The following MCTP1 variants were observed in gnomAD, a reference collection of about 807,000 sequenced individuals.
The protein encoded by MCTP1 is multiple C2 and transmembrane domain-containing protein 1.
Under a neutral mutation model 120.6 loss-of-function variants are expected in MCTP1, and 69 were observed. That is an observed-to-expected ratio of 0.57 (90% CI 0.47 to 0.70). The LOEUF (loss-of-function observed/expected upper bound fraction) is 0.70. Ranked by LOEUF, MCTP1 falls within the 30% of genes least tolerant of loss-of-function variation. The pLI, the probability that MCTP1 is intolerant of heterozygous loss-of-function variation, is 0.00. For missense variants in MCTP1, 1,203 were observed against 1,248.8 expected (o/e 0.96, Z 0.55); for synonymous variants, 529 against 493.1 (o/e 1.07, Z -0.96).
rs141442491 is a variant in MCTP1 at position 95,190,491 on chromosome 5, T to C, written c.720+93365A>G. Among the ~76,000 whole-genome samples, 1,499 of 152,190 alleles carry C rather than the reference T, an allele frequency of 9.8e-3. 15 individuals carry two copies. Among genetic ancestry groups the C allele is most frequent in the Middle Eastern group, 0.02 (6 of 294 alleles). ...GCTAAACCTCTCTTCCTTTTAGATA[T>C]CTATATTCTAGAGCTATTGATTTTT... On this transcript the variant is annotated intron_variant, in intron 1 of 22. Transcript: ENST00000515393.
At chr5:95,282,784 T>C (rs1010547520) in intron 1 of MCTP1, among the ~76,000 whole-genome samples, 1 of 152,304 alleles carries the variant, frequency 6.6e-6, no homozygotes, top group Middle Eastern at 3.4e-3. Context: ...AAGAAATCAG[T>C]CCATGAACTA....
chr5:95,011,172 G>A (rs1018637782), intron 2 of MCTP1, among the ~76,000 whole-genome samples: 3 of 151,996 alleles, frequency 2.0e-5, no homozygotes, highest in Admixed American at 6.6e-5. Context: ...GAAATACTTC[G>A]AAATGCTGCA....
intron 1 of MCTP1, among the ~76,000 whole-genome samples, chr5:95,277,279 A>G (rs532846091): frequency 6.6e-6 from 1 of 152,242 alleles, no homozygotes; most frequent in South Asian, 2.1e-4. Context: ...TATGGCAGCC[A>G]CTTAGTAGGT....
intron 1 of MCTP1, among the ~76,000 whole-genome samples, chr5:95,121,274 T>C (rs1465262131): frequency 2.9e-5 from 1 of 34,128 alleles, no homozygotes; most frequent in African/African-American, 1.1e-4. Context: ...CGAGACTCCA[T>C]CACAAAAAAA....
chr5:94,992,550 A>G (rs1218376220), intron 2 of MCTP1, among the ~76,000 whole-genome samples: 2 of 152,160 alleles, frequency 1.3e-5, no homozygotes, highest in Non-Finnish European at 2.9e-5. Context: ...AGTATCTCCA[A>G]TTCCAATCTC....
intron 1 of MCTP1, among the ~76,000 whole-genome samples, chr5:95,174,003 A>G (rs1242259759): frequency 6.6e-6 from 1 of 152,206 alleles, no homozygotes; most frequent in African/African-American, 2.4e-5. Context: ...AAAGTAGTTG[A>G]AAGGATGGAC....
intron 2 of MCTP1, among the ~76,000 whole-genome samples, chr5:94,994,470 G>C (rs1832222630): frequency 1.3e-5 from 2 of 152,148 alleles, no homozygotes; most frequent in African/African-American, 4.8e-5. Context: ...TTTGTAGTTT[G>C]TCCTAGGAAG....
chr5:94,980,633 A>G (rs1476420119), intron 2 of MCTP1, among the ~76,000 whole-genome samples: 1 of 152,064 alleles, frequency 6.6e-6, no homozygotes, highest in African/African-American at 2.4e-5. Context: ...GCTAGTCCTT[A>G]TTTCATAGAC....
intron 1 of MCTP1, among the ~76,000 whole-genome samples, chr5:95,031,946 T>C (rs1193744833): frequency 6.6e-6 from 1 of 152,126 alleles, no homozygotes; most frequent in African/African-American, 2.4e-5. Flanking sequence ...TTGCTATTCT[T>C]GTATCAGATA....
chr5:94,899,144 A>C (rs1342893763), intron 10 of MCTP1, among the ~76,000 whole-genome samples: 1 of 152,202 alleles, frequency 6.6e-6, no homozygotes, highest in Non-Finnish European at 1.5e-5. Context: ...GCAGTGTGAG[A>C]AAAAGGGGTA....
At chr5:94,933,276 C>T (rs1444013086) in intron 5 of MCTP1, among the ~76,000 whole-genome samples, 1 of 151,398 alleles carries the variant, frequency 6.6e-6, no homozygotes, top group African/African-American at 2.4e-5. Flanking sequence ...ACTAAATGTC[C>T]AGTTCATTTT....
intron 21 of MCTP1, chr5:94,709,702 T>C (rs1756092039): frequency 6.6e-6 from 1 of 152,080 alleles, no homozygotes; most frequent in South Asian, 2.1e-4. Flanking sequence ...ATAATGAAAG[T>C]GCTGTCTAAA....
Position 95,283,857 on chromosome 5 carries a change from T to G in MCTP1, c.719A>C (p.Gln240Pro). The change falls in exon 1 of 23, where the codon CAG (glutamine) becomes CCG (proline). Residue 240 changes from glutamine to proline, a missense_variant and splice_region_variant. By Grantham distance (76) the Gln-to-Pro change is moderately conservative. Coordinates refer to ENST00000515393, the MANE Select transcript of MCTP1 (RefSeq NM_024717.7). ...TCCGGCCGCGCCACCGGCACTCACC[T>G]GGCTGCTGCCGTGCTCCTCGCCCGT... ...PETGEEHGSS[Q>P]KIINTAGTSN... 1.5e-6 allele frequency: 2 copies of G among 1,366,868 alleles called. No individual in the cohort carries two copies. The highest frequency in any genetic ancestry group is 1.9e-6 in the Non-Finnish European group (2 of 1,068,554). 84.7% of individuals were successfully genotyped at this position (1,366,868 alleles called of 1,614,324 possible).
At chr5:94,871,237 TGA>T in intron 14 of MCTP1, 76 bp downstream of exon 14, 2 of 929,620 alleles carry the variant, frequency 2.2e-6, no homozygotes, top group Admixed American at 2.0e-5. Context: ...GACACAGAGC[TGA>T]GAGTTTTCTT....
intron 1 of MCTP1, among the ~76,000 whole-genome samples, chr5:95,206,546 G>GT (rs1202045613): frequency 2.6e-5 from 4 of 152,014 alleles, no homozygotes; most frequent in African/African-American, 9.7e-5. Flanking sequence ...GATTTTGTTT[G>GT]TTTTTTTGAG....
Position 94,810,490 on chromosome 5 carries a change from T to C in MCTP1, c.2437-11358A>G, listed in dbSNP as rs79077596. 6.7e-3 allele frequency among the ~76,000 whole-genome samples: 1,024 copies of C among 152,284 alleles called. 4 individuals carry two copies. The highest frequency in any genetic ancestry group is 0.014 in the Middle Eastern group (4 of 294). Reference sequence around the variant, plus strand: ...ATGGGGGGAAACTCCCTCTGTTCTCTATACTGTGCCAGAAAATAGGATACC... The same window carrying C: ...ATGGGGGGAAACTCCCTCTGTTCTCCATACTGTGCCAGAAAATAGGATACC... On this transcript the variant is annotated intron_variant, in intron 17 of 22. Transcript: ENST00000515393.
At position 94,992,292 on chromosome 5, in the gene MCTP1, GGAT is replaced by G. The variant is rs148599893; in HGVS notation, c.838+25072_838+25074del. Among the ~76,000 whole-genome samples the G allele has an allele frequency of 5.0e-3, 765 of 151,732 alleles. 2 individuals are homozygous for G. Among genetic ancestry groups the G allele is most frequent in the African/African-American group, 0.016 (671 of 41,400 alleles). The stretch of plus-strand genomic sequence containing the variant: ...ATGATGCTAAGTATAATAATGTTGA[GGAT>G]GATGATGATGATGATGATGATGATG... On this transcript the variant is annotated intron_variant, in intron 2 of 22. Coordinates refer to ENST00000515393, the MANE Select transcript of MCTP1 (RefSeq NM_024717.7).
At chr5:95,180,085 C>T (rs544632709) in intron 1 of MCTP1, among the ~76,000 whole-genome samples, 2 of 152,174 alleles carry the variant, frequency 1.3e-5, no homozygotes, top group African/African-American at 2.4e-5. Context: ...ACTAATCCAA[C>T]AGGAAAATAT....
At chr5:94,890,237 C>T (rs543184654) in intron 11 of MCTP1, among the ~76,000 whole-genome samples, 2 of 152,266 alleles carry the variant, frequency 1.3e-5, no homozygotes, top group Admixed American at 6.5e-5. Context: ...GATTCCTGGC[C>T]TCAAGTGATC....
Sources: allele counts gnomAD v4.1 joint callset (sites outside exome capture counted in the v4.1 genomes callset), GRCh38; gene constraint gnomAD v4.1.1; transcripts MANE v1.5; gene names NCBI Gene and HGNC (gene_info 2026-07-23, HGNC 2026-07-21).